SLC14A2: variants seen among roughly 807,000 people sequenced by gnomAD.
SLC14A2 encodes solute carrier family 14 member 2.
A neutral mutation model predicts 104.6 loss-of-function variants in SLC14A2; 91 were observed. The ratio of observed to expected loss-of-function variants is 0.87; its 90% CI spans 0.73 to 1.04. The LOEUF (loss-of-function observed/expected upper bound fraction) is 1.04. SLC14A2 is among the 50% of genes least tolerant of loss of function. The pLI is 0.00. For synonymous variants in SLC14A2, 476 were observed against 466.4 expected (o/e 1.02, Z -0.27); for missense variants, 1,189 against 1,156.0 (o/e 1.03, Z -0.41).
chr18:45,568,225 C>T (rs759734708), intron 2 of SLC14A2, among the ~76,000 whole-genome samples: 76 of 152,334 alleles, frequency 5.0e-4, no homozygotes, highest in Non-Finnish European at 8.5e-4. Context: ...GCCTTGCCCC[C>T]GCCTCACCTC....
intron 1 of SLC14A2, among the ~76,000 whole-genome samples, chr18:45,409,710 T>C (rs1371586439): frequency 6.6e-6 from 1 of 152,092 alleles, no homozygotes; most frequent in Non-Finnish European, 1.5e-5. Flanking sequence ...AAAGATCAAG[T>C]AAAAAATGAT....
At chr18:45,459,345 C>T (rs890032825) in intron 1 of SLC14A2, among the ~76,000 whole-genome samples, 3 of 152,190 alleles carry the variant, frequency 2.0e-5, no homozygotes, top group African/African-American at 7.2e-5. Flanking sequence ...GACCTTGTCT[C>T]CATGTGCTGT....
chr18:45,179,359 C>A, the SLC14A2 span, among the ~76,000 whole-genome samples: 2 of 152,196 alleles, frequency 1.3e-5, no homozygotes, highest in African/African-American at 4.8e-5. Flanking sequence ...CTCCTCTCTC[C>A]CACCATGGCC....
At chr18:45,315,644 G>A (rs891102124) in intron 1 of SLC14A2, among the ~76,000 whole-genome samples, 17 of 152,066 alleles carry the variant, frequency 1.1e-4, no homozygotes, top group Middle Eastern at 3.2e-3. Context: ...ACTCCTGACT[G>A]GGGGCTTGAG....
intron 1 of SLC14A2, among the ~76,000 whole-genome samples, chr18:45,288,238 A>G (rs894882424): frequency 7.2e-5 from 11 of 152,202 alleles, no homozygotes; most frequent in African/African-American, 2.7e-4. Context: ...ACAAGGGTTC[A>G]TCACCAAAAA....
chr18:45,542,201 A>G (rs958286012), intron 2 of SLC14A2: 2 of 151,756 alleles, frequency 1.3e-5, no homozygotes, highest in African/African-American at 4.8e-5. Context: ...TCTGATCTCA[A>G]TGGGCTTCTA....
chr18:45,659,945 TG>T (rs1359685150), intron 10 of SLC14A2, among the ~76,000 whole-genome samples: 1 of 129,268 alleles, frequency 7.7e-6, no homozygotes, highest in Non-Finnish European at 1.6e-5. Context: ...GTCAACATAA[TG>T]AGACACTGGC....
chr18:45,481,818 A>T (rs1009412155), intron 1 of SLC14A2, among the ~76,000 whole-genome samples: 1 of 152,232 alleles, frequency 6.6e-6, no homozygotes, highest in Non-Finnish European at 1.5e-5. Context: ...AAAGATAAGA[A>T]TAACAATTTG....
chr18:45,368,372 C>A (rs1362448749), intron 1 of SLC14A2, among the ~76,000 whole-genome samples: 1 of 152,142 alleles, frequency 6.6e-6, no homozygotes, highest in East Asian at 1.9e-4. Flanking sequence ...CATCCATAGC[C>A]TTGCACACCA....
chr18:45,623,145 G>A (rs922809383), intron 1 of SLC14A2, among the ~76,000 whole-genome samples: 19 of 152,098 alleles, frequency 1.2e-4, no homozygotes, highest in African/African-American at 4.6e-4. Context: ...TGTCAGAGGG[G>A]TCACCTGAGC....
intron 1 of SLC14A2, among the ~76,000 whole-genome samples, chr18:45,412,288 A>G (rs1050729477): frequency 6.6e-6 from 1 of 152,230 alleles, no homozygotes; most frequent in African/African-American, 2.4e-5. Flanking sequence ...CTGGGAAATC[A>G]GTGTACCTCC....
At chr18:45,257,974 G>T (rs2084497595) in intron 1 of SLC14A2, among the ~76,000 whole-genome samples, 1 of 152,138 alleles carries the variant, frequency 6.6e-6, no homozygotes, top group Admixed American at 6.5e-5. Flanking sequence ...GAAAACACTT[G>T]TAATAATAAC....
chr18:45,168,235 G>C, the SLC14A2 span, among the ~76,000 whole-genome samples: 1 of 152,144 alleles, frequency 6.6e-6, no homozygotes, highest in Admixed American at 6.5e-5. Context: ...AAAAAGGTGA[G>C]TTGCTTTAAA....
At chr18:45,558,507 G>A (rs940393076) in intron 2 of SLC14A2, among the ~76,000 whole-genome samples, 23 of 152,348 alleles carry the variant, frequency 1.5e-4, no homozygotes, top group African/African-American at 5.3e-4. Flanking sequence ...TGGAAGGGAA[G>A]TGGTCAGAAA....
At chr18:45,405,914 A>T (rs79126523) in intron 1 of SLC14A2, among the ~76,000 whole-genome samples, 1 of 149,374 alleles carries the variant, frequency 6.7e-6, no homozygotes, top group South Asian at 2.1e-4. Flanking sequence ...AAAAAAAAAA[A>T]ATGCTAACAG....
chr18:45,349,005 G>A (rs2085476191), intron 1 of SLC14A2, among the ~76,000 whole-genome samples: 1 of 152,202 alleles, frequency 6.6e-6, no homozygotes, highest in Non-Finnish European at 1.5e-5. Context: ...TTGTATCGGT[G>A]ATAAACCCGT....
intron 1 of SLC14A2, among the ~76,000 whole-genome samples, chr18:45,282,621 G>T (rs1173963405): frequency 6.6e-6 from 1 of 152,142 alleles, no homozygotes; most frequent in East Asian, 1.9e-4. Flanking sequence ...TATCTACCCT[G>T]GAGCACATCT....
At chr18:45,302,467 A>C (rs1196727075) in intron 1 of SLC14A2, among the ~76,000 whole-genome samples, 1 of 152,194 alleles carries the variant, frequency 6.6e-6, no homozygotes, top group Non-Finnish European at 1.5e-5. Context: ...TCTCTCAGAA[A>C]GTTATGGACA....
intron 1 of SLC14A2, among the ~76,000 whole-genome samples, chr18:45,238,078 A>T (rs1400909242): frequency 1.3e-5 from 2 of 152,236 alleles, no homozygotes; most frequent in South Asian, 2.1e-4. Flanking sequence ...TTATTGGATG[A>T]ATTGGAAACT....
Sources: gnomAD v4.1 joint callset for allele counts (sites outside exome capture counted in the v4.1 genomes callset) on GRCh38, gnomAD v4.1.1 for gene constraint, MANE v1.5 for transcripts, NCBI Gene and HGNC (gene_info 2026-07-23, HGNC 2026-07-21) for gene names.